Variants in DMRT1 observed in about 807,000 individuals in gnomAD.
DMRT1 encodes doublesex and mab-3 related transcription factor 1.
In DMRT1, 7 loss-of-function variants were observed where a neutral mutation model predicts 32.3. That is an observed-to-expected ratio of 0.22 (90% CI 0.12 to 0.41). The LOEUF is 0.41. DMRT1 is among the 10% of genes least tolerant of loss of function. The probability of loss-of-function intolerance (pLI) is 1.00; values close to 1 mark genes in which losing one functional copy is unlikely to be tolerated. For missense variants in DMRT1, 625 were observed against 500.5 expected (o/e 1.25, Z -2.37); for synonymous variants, 278 against 206.1 (o/e 1.35, Z -2.99).
chr9:950,101 A>G (rs1385162521), intron 4 of DMRT1, among the ~76,000 whole-genome samples: 2 of 151,986 alleles, frequency 1.3e-5, no homozygotes, highest in African/African-American at 4.8e-5. Flanking sequence ...TGGATCATAC[A>G]GTAGTTTATT....
intron 1 of DMRT1, 140 bp downstream of exon 1, chr9:842,332 T>G: frequency 9.0e-7 from 1 of 1,109,500 alleles, no homozygotes; most frequent in South Asian, 1.6e-5. Flanking sequence ...CTTCCCGGGT[T>G]CAAGCAATTC....
At chr9:954,496 T>C (rs1363342625) in intron 4 of DMRT1, among the ~76,000 whole-genome samples, 1 of 152,060 alleles carries the variant, frequency 6.6e-6, no homozygotes, top group South Asian at 2.1e-4. Flanking sequence ...GGAGTAGTCT[T>C]AAGCTTCGAG....
At chr9:892,732 C>T (rs1177735960) in intron 2 of DMRT1, among the ~76,000 whole-genome samples, 1 of 152,154 alleles carries the variant, frequency 6.6e-6, no homozygotes, top group Non-Finnish European at 1.5e-5. Flanking sequence ...CTCAGTGGTT[C>T]CCATTACATC....
At chr9:888,295 T>A (rs999287227) in intron 2 of DMRT1, among the ~76,000 whole-genome samples, 4 of 131,688 alleles carry the variant, frequency 3.0e-5, no homozygotes, top group Non-Finnish European at 4.8e-5. Context: ...TTCAATACAA[T>A]GGAATTCTTT....
intron 4 of DMRT1, among the ~76,000 whole-genome samples, chr9:932,764 T>C (rs1242490922): frequency 1.3e-5 from 2 of 152,132 alleles, no homozygotes; most frequent in Non-Finnish European, 2.9e-5. Context: ...CCCCTTTTGG[T>C]CCAGTAAATC....
intron 2 of DMRT1, among the ~76,000 whole-genome samples, chr9:880,724 CAAAA>C (rs754419367): frequency 1.6e-5 from 1 of 62,076 alleles, no homozygotes. Context: ...AACTCAGTCT[CAAAA>C]AAAAAAAAAA....
At chr9:954,711 G>A (rs1056282432) in intron 4 of DMRT1, among the ~76,000 whole-genome samples, 6 of 152,026 alleles carry the variant, frequency 3.9e-5, no homozygotes, top group African/African-American at 4.8e-5. Context: ...GTACGATCCC[G>A]GCTCACTGTA....
At chr9:958,810 G>A (rs890299847) in intron 4 of DMRT1, among the ~76,000 whole-genome samples, 1 of 152,252 alleles carries the variant, frequency 6.6e-6, no homozygotes, top group Non-Finnish European at 1.5e-5. Context: ...TTGTGGATTA[G>A]ATAGGAAACC....
intron 2 of DMRT1, among the ~76,000 whole-genome samples, chr9:866,320 G>A (rs564568974): frequency 2.4e-4 from 37 of 152,148 alleles, no homozygotes; most frequent in Admixed American, 2.2e-3. Context: ...AGATGAAGAA[G>A]CAGGAGGCAT....
chr9:944,400 A>G (rs560476503), intron 4 of DMRT1, among the ~76,000 whole-genome samples: 67 of 152,330 alleles, frequency 4.4e-4, no homozygotes, highest in African/African-American at 1.6e-3. Flanking sequence ...TCCTCACACA[A>G]TAAGCACATT....
rs919416750 is a variant in DMRT1 at position 893,784 on chromosome 9, C to T, written c.539-128C>T. On this transcript the variant is annotated intron_variant, in intron 2 of 4. Transcript: ENST00000382276. Reference sequence around the variant, plus strand: ...CTTATTTTGGCTATAGGAGAAGCAACAGATGGTTTTGTCTTCTGCATATTC... The same window carrying T: ...CTTATTTTGGCTATAGGAGAAGCAATAGATGGTTTTGTCTTCTGCATATTC... 19 of 838,736 alleles carry T rather than the reference C, an allele frequency of 2.3e-5. No homozygotes were observed. In the African/African-American group the frequency reaches 3.0e-4, roughly 13 times the overall value. 52.0% of individuals were successfully genotyped at this position (838,736 alleles called of 1,614,324 possible).
chr9:933,513 G>C (rs201613159), intron 4 of DMRT1, among the ~76,000 whole-genome samples: 1 of 152,192 alleles, frequency 6.6e-6, no homozygotes, highest in East Asian at 1.9e-4. Flanking sequence ...GGAGCAGGGT[G>C]ACCTTATCTC....
intron 2 of DMRT1, among the ~76,000 whole-genome samples, chr9:866,680 A>G (rs1275780050): frequency 6.6e-6 from 1 of 152,196 alleles, no homozygotes; most frequent in Admixed American, 6.5e-5. Flanking sequence ...AGCGGAAGCA[A>G]TGTATGTACA....
intron 3 of DMRT1, among the ~76,000 whole-genome samples, chr9:901,737 C>T (rs1817584468): frequency 6.6e-6 from 1 of 151,798 alleles, no homozygotes; most frequent in Non-Finnish European, 1.5e-5. Context: ...ACTGGAAACT[C>T]CTGGGAAGTT....
At chr9:865,584 T>G (rs1285767393) in intron 2 of DMRT1, among the ~76,000 whole-genome samples, 1 of 152,186 alleles carries the variant, frequency 6.6e-6, no homozygotes, top group Non-Finnish European at 1.5e-5. Flanking sequence ...TGAGCCCGGA[T>G]ATGATTTATC....
At position 847,086 on chromosome 9, in the gene DMRT1, G is replaced by C. The variant is rs769033830; in HGVS notation, c.481G>C (p.Glu161Gln). The C allele has an allele frequency of 1.2e-6, 2 of 1,613,758 alleles. No homozygotes were observed. Among genetic ancestry groups the C allele is most frequent in the Non-Finnish European group, 1.7e-6 (2 of 1,180,054 alleles). The change falls in exon 2 of 5, where the codon GAG becomes CAG. Residue 161 changes from glutamate to glutamine, a missense_variant. By Grantham distance (29) the Glu-to-Gln change is conservative. This residue lies in a region of DMRT1 where 416 missense variants were observed against 321.6 expected (regional missense o/e 1.29). Coordinates refer to ENST00000382276, the MANE Select transcript of DMRT1 (RefSeq NM_021951.3). ...NNGSNPCLMT[E>Q]CSGTSQPPPA... ...TGGCAGTAACCCGTGCCTCATGACT[G>C]AGTGCAGTGGCACCTCTCAGCCACC... is the stretch of plus-strand genomic sequence containing the variant.
intron 2 of DMRT1, among the ~76,000 whole-genome samples, chr9:871,179 G>A (rs571280629): frequency 2.0e-5 from 3 of 150,316 alleles, no homozygotes; most frequent in South Asian, 2.1e-4. Flanking sequence ...GACTACAGGC[G>A]TGTGCACCAC....
chr9:930,838 C>A (rs1818702468), intron 4 of DMRT1, among the ~76,000 whole-genome samples: 2 of 152,296 alleles, frequency 1.3e-5, no homozygotes, highest in South Asian at 2.1e-4. Context: ...TTGTGCCCAG[C>A]CCTGTTTGTC....
At chr9:869,733 T>C (rs1310780882) in intron 2 of DMRT1, among the ~76,000 whole-genome samples, 1 of 152,252 alleles carries the variant, frequency 6.6e-6, no homozygotes, top group Non-Finnish European at 1.5e-5. Flanking sequence ...GAGAATTTAA[T>C]AATCTGTTTC....
Sources: gnomAD v4.1 joint callset for allele counts (sites outside exome capture counted in the v4.1 genomes callset) on GRCh38, gnomAD v4.1.1 for gene constraint, gnomAD v4.1.1 regional missense constraint, MANE v1.5 for transcripts, NCBI Gene and HGNC (gene_info 2026-07-23, HGNC 2026-07-21) for gene names.